Variants in EDA observed in about 807,000 individuals in gnomAD.
The protein encoded by EDA is ectodysplasin A.
Under a neutral mutation model 23.6 loss-of-function variants are expected in EDA, and 2 were observed. The ratio of observed to expected loss-of-function variants is 0.08; its 90% CI spans 0.03 to 0.27. The LOEUF (loss-of-function observed/expected upper bound fraction) is 0.27. Among genes scored for constraint, EDA ranks in the 10% least tolerant of loss-of-function variants. The pLI is 1.00. For synonymous variants in EDA, 131 were observed against 132.0 expected (o/e 0.99, Z 0.05); for missense variants, 229 against 324.2 (o/e 0.71, Z 2.26).
At chrX:69,704,552 A>G (rs1293212867) in intron 1 of EDA, among the ~76,000 whole-genome samples, 1 of 107,040 alleles carries the variant, frequency 9.3e-6, no homozygotes, top group Non-Finnish European at 1.9e-5. Flanking sequence ...CACTTGAACT[A>G]GTTTTCAGGT....
At chrX:69,900,257 A>C (rs1327232753) in intron 1 of EDA, among the ~76,000 whole-genome samples, 2 of 108,988 alleles carry the variant, frequency 1.8e-5, no homozygotes, top group Non-Finnish European at 3.8e-5. Flanking sequence ...TCCAAACTCT[A>C]CTACTGTGTG....
At chrX:69,772,665 A>G (rs2014672273) in intron 1 of EDA, among the ~76,000 whole-genome samples, 1 of 110,223 alleles carries the variant, frequency 9.1e-6, no homozygotes, top group African/African-American at 3.3e-5. Context: ...ACCAGTGTCT[A>G]TTATTGCTGT....
chrX:69,816,294 A>T (rs2016080094), intron 1 of EDA, among the ~76,000 whole-genome samples: 1 of 111,721 alleles, frequency 9.0e-6, no homozygotes, highest in Non-Finnish European at 1.9e-5. Flanking sequence ...CTCTTCTCCA[A>T]ATGACTCCAA....
intron 1 of EDA, among the ~76,000 whole-genome samples, chrX:69,694,398 A>G (rs2011265027): frequency 8.9e-6 from 1 of 112,161 alleles, no homozygotes; most frequent in South Asian, 3.7e-4. Context: ...CTTAGTATTT[A>G]ATAATTCTTG....
At chrX:70,003,626 A>G (rs373307562) in intron 2 of EDA, among the ~76,000 whole-genome samples, 250 of 112,069 alleles carry the variant, frequency 2.2e-3, no homozygotes, top group African/African-American at 7.4e-3. Context: ...CTGTTTCCAC[A>G]ACCCCAGTAT....
rs945300318 is a variant in EDA at position 69,864,160 on chromosome X, T to C, written c.397-92867T>C. The stretch of plus-strand genomic sequence containing the variant: ...TTTTAAATTTTTAATTTTAAAATTG[T>C]ACTATTCTGACACAACCAAGGACCC... On this transcript the variant is annotated intron_variant, in intron 1 of 7. Coordinates refer to ENST00000374552, the MANE Select transcript of EDA (RefSeq NM_001399.5). Among the ~76,000 whole-genome samples, 3 of 111,569 alleles carry C rather than the reference T, an allele frequency of 2.7e-5. No homozygotes were observed. In the South Asian group the frequency reaches 1.1e-3, roughly 43 times the overall value.
At chrX:69,898,948 T>C (rs912690579) in intron 1 of EDA, among the ~76,000 whole-genome samples, 1 of 112,070 alleles carries the variant, frequency 8.9e-6, no homozygotes, top group African/African-American at 3.2e-5. Flanking sequence ...TCTTTGCAAT[T>C]ACCATGGCTT....
intron 1 of EDA, among the ~76,000 whole-genome samples, chrX:69,896,065 G>C (rs773020870): frequency 7.7e-4 from 86 of 111,242 alleles, no homozygotes; most frequent in Non-Finnish European, 3.0e-4. Context: ...GATTTCTTCT[G>C]AGGTCTCTCT....
chrX:69,656,805 C>T (rs1222329369), intron 1 of EDA, among the ~76,000 whole-genome samples: 2 of 111,583 alleles, frequency 1.8e-5, no homozygotes, highest in African/African-American at 6.5e-5. Flanking sequence ...CAACTGCATC[C>T]ATGTTGTTGC....
chrX:69,677,357 C>G (rs1934136790), intron 1 of EDA, among the ~76,000 whole-genome samples: 1 of 110,965 alleles, frequency 9.0e-6, no homozygotes, highest in African/African-American at 3.3e-5. Context: ...AATGGGATGG[C>G]TGGTTCAAAT....
At chrX:69,743,050 A>C (rs774955081) in intron 1 of EDA, 1 of 111,026 alleles carries the variant, frequency 9.0e-6, no homozygotes, top group Admixed American at 9.6e-5. Context: ...CCCACCGGTT[A>C]AGGCAAGTCA....
At position 69,922,505 on chromosome X, in the gene EDA, G is replaced by A. The variant is rs1414418616; in HGVS notation, c.397-34522G>A. 4.5e-5 allele frequency among the ~76,000 whole-genome samples: 5 copies of A among 111,911 alleles called. No individual in the cohort carries two copies. In the Admixed American group the frequency reaches 4.8e-4, roughly 11 times the overall value. On this transcript the variant is annotated intron_variant, in intron 1 of 7. Coordinates refer to ENST00000374552, the MANE Select transcript of EDA (RefSeq NM_001399.5). ...TTGAATTTCAGCCTTTCTAATGAGT[G>A]TCTAATGATATTTCATTTTTGTCTT...
At chrX:69,781,218 C>T (rs2014932541) in intron 1 of EDA, among the ~76,000 whole-genome samples, 1 of 111,197 alleles carries the variant, frequency 9.0e-6, no homozygotes, top group South Asian at 3.8e-4. Context: ...TATAAGTTTT[C>T]GTGTGGATGT....
chrX:69,962,712 C>T (rs778029370), intron 2 of EDA, among the ~76,000 whole-genome samples: 6 of 111,964 alleles, frequency 5.4e-5, no homozygotes, highest in South Asian at 7.6e-4. Flanking sequence ...ATCACAGGCA[C>T]GAGCCACTGC....
intron 7 of EDA, among the ~76,000 whole-genome samples, chrX:70,034,484 T>G (rs2020238232): frequency 9.0e-6 from 1 of 111,716 alleles, no homozygotes; most frequent in Non-Finnish European, 1.9e-5. Flanking sequence ...ATGGGGCACA[T>G]GGGCATAACC....
intron 1 of EDA, among the ~76,000 whole-genome samples, chrX:69,880,687 GA>G (rs2017731491): frequency 8.9e-6 from 1 of 112,324 alleles, no homozygotes; most frequent in Non-Finnish European, 1.9e-5. Context: ...ACATTGGGCA[GA>G]AATAGCTATA....
At chrX:69,869,951 A>G (rs757874498) in intron 1 of EDA, among the ~76,000 whole-genome samples, 10 of 111,734 alleles carry the variant, frequency 8.9e-5, no homozygotes, top group African/African-American at 2.6e-4. Flanking sequence ...TCACAAATCT[A>G]TTTTGCAAGG....
At chrX:69,938,294 G>T (rs752854884) in intron 1 of EDA, among the ~76,000 whole-genome samples, 1 of 111,349 alleles carries the variant, frequency 9.0e-6, no homozygotes, top group Admixed American at 9.5e-5. Context: ...ATGGATAAAG[G>T]CCATTTTCAC....
chrX:69,682,391 T>A (rs1046942593), intron 1 of EDA, among the ~76,000 whole-genome samples: 3 of 112,749 alleles, frequency 2.7e-5, no homozygotes, highest in Non-Finnish European at 5.6e-5. Context: ...TAAGCAAGCC[T>A]GGGCAATGGC....
Sources: gnomAD v4.1 joint callset for allele counts (sites outside exome capture counted in the v4.1 genomes callset) on GRCh38, gnomAD v4.1.1 for gene constraint, MANE v1.5 for transcripts, NCBI Gene and HGNC (gene_info 2026-07-23, HGNC 2026-07-21) for gene names.